Variants in TMEM164 observed in about 807,000 individuals in gnomAD.
The protein encoded by TMEM164 is RP13-360B22.2.
TMEM164 carries 4 observed loss-of-function variants against 18.8 expected under a neutral mutation model. That is an observed-to-expected ratio of 0.21 (90% CI 0.10 to 0.49). The LOEUF (loss-of-function observed/expected upper bound fraction) is 0.49. Among genes scored for constraint, TMEM164 ranks in the 20% least tolerant of loss-of-function variants. The pLI is 0.98. For synonymous variants in TMEM164, 86 were observed against 101.7 expected (o/e 0.85, Z 0.93); for missense variants, 108 against 239.9 (o/e 0.45, Z 3.63).
chrX:110,119,062 T>C (rs75790166), intron 4 of TMEM164, among the ~76,000 whole-genome samples: 10 of 111,590 alleles, frequency 9.0e-5, no homozygotes, highest in African/African-American at 2.9e-4. Context: ...AATATTTTTT[T>C]CCAGGAGAAT....
chrX:110,041,159 T>C (rs950044299), intron 2 of TMEM164, among the ~76,000 whole-genome samples: 6 of 112,220 alleles, frequency 5.3e-5, no homozygotes, highest in African/African-American at 1.6e-4. Flanking sequence ...TAAATTGATC[T>C]GAGCCAATTT....
At position 110,173,513 on chromosome X, in the gene TMEM164, C is replaced by T; in HGVS notation, c.*62C>T. On this transcript the variant is annotated 3_prime_UTR_variant, in exon 7 of 7. Transcript: ENST00000372068. ...GCAAGTCGTGACTTGACTTGGAGAACACCCAGTTCTTGATAAAATCATGGG... is the reference window on the plus strand; with the variant it reads ...GCAAGTCGTGACTTGACTTGGAGAATACCCAGTTCTTGATAAAATCATGGG... The T allele has an allele frequency of 1.0e-6, 1 of 992,109 alleles. No homozygotes were observed. The highest frequency in any genetic ancestry group is 1.4e-6 in the Non-Finnish European group (1 of 720,428). The allele number at this position is 992,109 out of a possible 1,213,427, so 81.8% of individuals were successfully genotyped here. A position where few individuals can be genotyped will look rare whatever the true frequency, so the allele number is the denominator to read the frequency against.
At chrX:110,180,495 C>CCCCCG (rs750789939), downstream of TMEM164, among the ~76,000 whole-genome samples, 1 of 108,834 alleles carries the variant, frequency 9.2e-6, no homozygotes, top group African/African-American at 3.5e-5. Context: ...ACCCCCCCGC[C>CCCCCG]CCGCCCACAG....
intron 4 of TMEM164, among the ~76,000 whole-genome samples, chrX:110,117,315 A>G (rs987241278): frequency 2.1e-4 from 24 of 112,803 alleles, no homozygotes; most frequent in Non-Finnish European, 3.9e-4. Flanking sequence ...GTATTCAGCC[A>G]TATGACCGCC....
chrX:110,020,547 G>T (rs1488824672), intron 2 of TMEM164: 10 of 752,699 alleles, frequency 1.3e-5, no homozygotes, highest in Non-Finnish European at 1.6e-5. Flanking sequence ...GACTCTGACG[G>T]AGCAGCCATC....
At chrX:110,019,665 A>G (rs1314991199) in intron 2 of TMEM164, among the ~76,000 whole-genome samples, 2 of 112,236 alleles carry the variant, frequency 1.8e-5, no homozygotes, top group Non-Finnish European at 1.9e-5. Flanking sequence ...GTGCTAATCA[A>G]TCATAGGCAC....
chrX:110,032,393 A>G lies in TMEM164; in HGVS notation c.390+28229A>G, dbSNP rs761354309. On this transcript the variant is annotated intron_variant, in intron 2 of 6. Coordinates refer to ENST00000372068, the MANE Select transcript of TMEM164 (RefSeq NM_032227.4). ...CTTAGTTAATATCTGTCAGTGGTCC[A>G]TTGCACAAGGAACTGACACAATGGT... is the stretch of plus-strand genomic sequence containing the variant. 5.4e-5 allele frequency among the ~76,000 whole-genome samples: 6 copies of G among 111,400 alleles called. No individual in the cohort carries two copies. The East Asian group carries it at 1.7e-3, about 31-fold the overall frequency.
rs773334295 is a variant in TMEM164, at chrX:110,003,732, C to A, written c.-43C>A. The A allele has an allele frequency of 1.7e-6, 2 of 1,154,395 alleles. No individual in the cohort carries two copies. Among genetic ancestry groups the A allele is most frequent in the Non-Finnish European group, 2.3e-6 (2 of 868,057 alleles). On this transcript the variant is annotated 5_prime_UTR_variant, in exon 2 of 7. An upstream open reading frame in the 5' UTR gains an earlier in-frame stop. Coordinates refer to ENST00000372068, the MANE Select transcript of TMEM164 (RefSeq NM_032227.4). ...AACCCTCTGGGCTTGTGTTCCATCT[C>A]ACTCTTGCTTCCTGTACTGTGGTCA...
chrX:110,074,892 G>A (rs770857390), intron 3 of TMEM164, among the ~76,000 whole-genome samples: 3 of 111,603 alleles, frequency 2.7e-5, no homozygotes, highest in East Asian at 2.8e-4. Context: ...CAGGTAATGC[G>A]GTACCTCTGG....
In TMEM164 at chrX:110,037,984, A is replaced by ATTTTTTTTTT. The variant is rs1036705725; in HGVS notation, c.391-29348_391-29339dup. ...TTCCTAAAGAACAGCCTTTGGACTC[A>ATTTTTTTTTT]TTTTTTTTTTTTTTTTTTTTTTTTG... On this transcript the variant is annotated intron_variant, in intron 2 of 6. Coordinates refer to ENST00000372068, the MANE Select transcript of TMEM164 (RefSeq NM_032227.4). Among the ~76,000 whole-genome samples the ATTTTTTTTTT allele has an allele frequency of 3.3e-3, 237 of 72,690 alleles. 14 individuals carry two copies. The highest frequency in any genetic ancestry group is 0.014 in the African/African-American group (229 of 16,399). 63.1% of individuals were successfully genotyped at this position (72,690 alleles called of 115,157 possible).
rs1404929806 is a variant in TMEM164 at position 110,176,508 on chromosome X, C to T, written c.*3057C>T. Reference sequence around the variant, plus strand: ...TCATAGAAGCTGCTTGCAGGGTCGCCGGGCTAACCAGGGTGATCGGCGAAC... The same window carrying T: ...TCATAGAAGCTGCTTGCAGGGTCGCTGGGCTAACCAGGGTGATCGGCGAAC... On this transcript the variant is annotated 3_prime_UTR_variant, in exon 7 of 7. Transcript: ENST00000372068. 4 of 655,978 alleles carry T rather than the reference C, an allele frequency of 6.1e-6. No individual in the cohort carries two copies. The highest frequency in any genetic ancestry group is 8.0e-5 in the South Asian group (1 of 12,501). 54.1% of individuals were successfully genotyped at this position (655,978 alleles called of 1,213,427 possible). A position where few individuals can be genotyped will look rare whatever the true frequency, so the allele number is the denominator to read the frequency against.
intron 2 of TMEM164, among the ~76,000 whole-genome samples, chrX:110,033,109 A>G (rs1255799850): frequency 8.9e-6 from 1 of 112,248 alleles, no homozygotes; most frequent in African/African-American, 3.2e-5. Flanking sequence ...GATCTGTTAA[A>G]TAATTGAGCA....
intron 2 of TMEM164, among the ~76,000 whole-genome samples, chrX:110,055,030 T>C (rs775933928): frequency 7.2e-5 from 8 of 111,319 alleles, no homozygotes; most frequent in Non-Finnish European, 7.5e-5. Flanking sequence ...TGGTAGTCCA[T>C]GGAAAACTGT....
intron 3 of TMEM164, among the ~76,000 whole-genome samples, chrX:110,097,658 G>T (rs1272054674): frequency 1.8e-5 from 2 of 112,101 alleles, no homozygotes; most frequent in Non-Finnish European, 3.8e-5. Flanking sequence ...TGGGTGAGAT[G>T]AATCGTATTC....
intron 2 of TMEM164, among the ~76,000 whole-genome samples, chrX:110,056,890 T>A (rs779839485): frequency 9.9e-5 from 11 of 110,877 alleles, no homozygotes; most frequent in Non-Finnish European, 1.5e-4. Flanking sequence ...TGAGTTTTTT[T>A]AATACTTTAG....
chrX:110,123,323 G>GT (rs1419645124), intron 4 of TMEM164, among the ~76,000 whole-genome samples: 1 of 112,456 alleles, frequency 8.9e-6, no homozygotes, highest in Admixed American at 9.4e-5. Flanking sequence ...CTGTAGCTTT[G>GT]TAGAAAGCTT....
intron 3 of TMEM164, among the ~76,000 whole-genome samples, chrX:110,095,421 C>T (rs1290060725): frequency 9.0e-6 from 1 of 111,561 alleles, no homozygotes; most frequent in Non-Finnish European, 1.9e-5. Flanking sequence ...CATTGCATTT[C>T]ATTCATTTGG....
intron 2 of TMEM164, among the ~76,000 whole-genome samples, chrX:110,017,414 C>CT (rs1933459294): frequency 2.4e-5 from 1 of 42,159 alleles, no homozygotes; most frequent in South Asian, 1.8e-3. Context: ...TCCTTTCTTT[C>CT]TTTCTTTCTT....
At chrX:110,014,722 G>T (rs1227303600) in intron 2 of TMEM164, among the ~76,000 whole-genome samples, 1 of 98,307 alleles carries the variant, frequency 1.0e-5, no homozygotes, top group Non-Finnish European at 2.0e-5. Flanking sequence ...ACTGGTGAAT[G>T]GGTTTTTTTT....
Sources: allele counts gnomAD v4.1 joint callset (sites outside exome capture counted in the v4.1 genomes callset), GRCh38; gene constraint gnomAD v4.1.1; transcripts MANE v1.5; gene names NCBI Gene and HGNC (gene_info 2026-07-23, HGNC 2026-07-21).